ELP4: variants seen among roughly 807,000 people sequenced by gnomAD.
The protein encoded by ELP4 is elongator complex protein 4.
ELP4 carries 51 observed loss-of-function variants against 48.9 expected under a neutral mutation model. That is an observed-to-expected ratio of 1.04 (90% CI 0.83 to 1.32). ELP4 has a LOEUF of 1.32. Ranked by LOEUF, ELP4 falls within the 40% of genes most tolerant of loss-of-function variation. The pLI, the probability that ELP4 is intolerant of heterozygous loss-of-function variation, is 0.00. For synonymous variants in ELP4, 210 were observed against 189.2 expected, an observed-to-expected ratio of 1.11 and a Z score of -0.90; for missense variants, 519 against 514.6, an observed-to-expected ratio of 1.01 and a Z score of -0.08.
chr11:31,658,252 A>G (rs1297429090), intron 9 of ELP4, among the ~76,000 whole-genome samples: 1 of 151,968 alleles, frequency 6.6e-6, no homozygotes, highest in Non-Finnish European at 1.5e-5. Flanking sequence ...TAACATTCAT[A>G]TTAAAAATTC....
chr11:31,574,025 GC>G, intron 3 of ELP4, among the ~76,000 whole-genome samples: 1 of 152,314 alleles, frequency 6.6e-6, no homozygotes, highest in East Asian at 1.9e-4. Flanking sequence ...CATAGTCGTT[GC>G]CCTTAATGAT....
intron 9 of ELP4, among the ~76,000 whole-genome samples, chr11:31,668,862 T>C (rs571387369): frequency 2.6e-5 from 4 of 152,082 alleles, no homozygotes; most frequent in Non-Finnish European, 5.9e-5. Flanking sequence ...AGATCAACCA[T>C]AGCTGTTTAT....
At chr11:31,512,840 A>ATACC (rs1043337819) in intron 1 of ELP4, among the ~76,000 whole-genome samples, 7 of 134,990 alleles carry the variant, frequency 5.2e-5, no homozygotes, top group African/African-American at 2.0e-4. Flanking sequence ...TGTAAAAGGT[A>ATACC]TATACTCCAT....
chr11:31,762,319 G>GT (rs988146994), intron 9 of ELP4, among the ~76,000 whole-genome samples: 3 of 152,084 alleles, frequency 2.0e-5, no homozygotes, highest in South Asian at 2.1e-4. Flanking sequence ...TCACAACAAA[G>GT]TTTATTTAAA....
chr11:31,727,688 G>T (rs1183894953), intron 9 of ELP4: 1 of 152,090 alleles, frequency 6.6e-6, no homozygotes, highest in Non-Finnish European at 1.5e-5. Flanking sequence ...TAGGAAATAT[G>T]CCCATTATCT....
At chr11:31,555,422 T>A (rs982805098) in intron 3 of ELP4, among the ~76,000 whole-genome samples, 1 of 152,078 alleles carries the variant, frequency 6.6e-6, no homozygotes, top group East Asian at 1.9e-4. Flanking sequence ...TTTCTTAAAT[T>A]CCTAATATTG....
chr11:31,667,413 A>T (rs1258289331), intron 9 of ELP4, among the ~76,000 whole-genome samples: 1 of 152,178 alleles, frequency 6.6e-6, no homozygotes, highest in African/African-American at 2.4e-5. Context: ...TTTATTTTGG[A>T]AGTTTATGGA....
chr11:31,560,753 T>TAAA (rs1592117337), intron 3 of ELP4, among the ~76,000 whole-genome samples: 2 of 151,036 alleles, frequency 1.3e-5, no homozygotes, highest in South Asian at 2.1e-4. Context: ...TGTATATATA[T>TAAA]ACGTACAGTC....
intron 9 of ELP4, among the ~76,000 whole-genome samples, chr11:31,744,925 A>C (rs1947546644): frequency 6.6e-6 from 1 of 152,168 alleles, no homozygotes. Context: ...AAGGGTATTC[A>C]ATTAGGAAAA....
intron 9 of ELP4, among the ~76,000 whole-genome samples, chr11:31,731,943 A>G (rs759787480): frequency 1.0e-3 from 156 of 152,214 alleles, no homozygotes; most frequent in Non-Finnish European, 5.4e-4. Context: ...CCAACAAAGA[A>G]TAGTATCTCT....
chr11:31,510,033 T>A (rs1234468717), intron 1 of ELP4, 26 bp downstream of exon 1: 1 of 1,596,780 alleles, frequency 6.3e-7, no homozygotes, highest in Admixed American at 1.7e-5. Flanking sequence ...AGATCTGGGC[T>A]CAGCCGAGGG....
At chr11:31,513,933 AAATT>A (rs911796504) in intron 1 of ELP4, among the ~76,000 whole-genome samples, 117 of 152,274 alleles carry the variant, frequency 7.7e-4, no homozygotes, top group African/African-American at 2.6e-3. Context: ...AATCTTGATG[AAATT>A]AATTGTCTAA....
At chr11:31,549,752 T>G (rs188378893) in intron 3 of ELP4, among the ~76,000 whole-genome samples, 378 of 152,222 alleles carry the variant, frequency 2.5e-3, no homozygotes, top group African/African-American at 7.0e-3. Flanking sequence ...GTCCAACAAT[T>G]ATAGACTGGA....
At chr11:31,668,497 T>C (rs2134101921) in intron 9 of ELP4, among the ~76,000 whole-genome samples, 1 of 152,054 alleles carries the variant, frequency 6.6e-6, no homozygotes, top group South Asian at 2.1e-4. Flanking sequence ...TCTTTTTTTT[T>C]TTTTTTCCCC....
chr11:31,522,154 C>A (rs1956224010), intron 2 of ELP4, among the ~76,000 whole-genome samples: 1 of 152,002 alleles, frequency 6.6e-6, no homozygotes, highest in Non-Finnish European at 1.5e-5. Context: ...AGAAAAATAA[C>A]CTGTGATCAA....
intron 9 of ELP4, among the ~76,000 whole-genome samples, chr11:31,777,731 A>G (rs1480483400): frequency 6.6e-6 from 1 of 152,224 alleles, no homozygotes; most frequent in African/African-American, 2.4e-5. Context: ...GAAGAGCATC[A>G]GCCTTGCAGC....
intron 1 of ELP4, chr11:31,510,733 T>C (rs1253608066): frequency 5.0e-6 from 1 of 200,370 alleles, no homozygotes; most frequent in African/African-American, 2.3e-5. Context: ...GTTCTTAGGC[T>C]TTCCTTTAAA....
chr11:31,665,537 T>C (rs1945653474), intron 9 of ELP4, among the ~76,000 whole-genome samples: 2 of 152,104 alleles, frequency 1.3e-5, no homozygotes, highest in Non-Finnish European at 2.9e-5. Context: ...AAATATTATA[T>C]TATTGATATA....
intron 6 of ELP4, 146 bp from the exon 7 acceptor site, chr11:31,632,071 T>G: frequency 1.8e-6 from 1 of 568,308 alleles, no homozygotes; most frequent in Non-Finnish European, 3.0e-6. Context: ...TTATACTGCT[T>G]TATGTACTAA....
Sources: allele counts gnomAD v4.1 joint callset (sites outside exome capture counted in the v4.1 genomes callset), GRCh38; gene constraint gnomAD v4.1.1; transcripts MANE v1.5; gene names NCBI Gene and HGNC (gene_info 2026-07-23, HGNC 2026-07-21).